The following CES5A variants were observed in gnomAD, a reference collection of about 807,000 sequenced individuals.
CES5A encodes the protein carboxylesterase 5A.
A neutral mutation model predicts 62.9 loss-of-function variants in CES5A; 67 were observed. That is an observed-to-expected ratio of 1.07 (90% CI 0.88 to 1.31). The LOEUF is 1.31. CES5A is among the 50% of genes most tolerant of loss of function. CES5A has a pLI of 0.00. For synonymous variants in CES5A, 296 were observed against 280.8 expected (o/e 1.05, Z -0.54); for missense variants, 748 against 708.5 (o/e 1.06, Z -0.63).
intron 1 of CES5A, among the ~76,000 whole-genome samples, chr16:55,898,785 C>A (rs1265633425): frequency 1.3e-5 from 2 of 152,150 alleles, no homozygotes; most frequent in Non-Finnish European, 2.9e-5. Context: ...ATCATCTGAC[C>A]AGGAAGACCA....
chr16:55,938,324 A>T (rs2034400079), intron 2 of CES5A, among the ~76,000 whole-genome samples: 1 of 152,094 alleles, frequency 6.6e-6, no homozygotes, highest in South Asian at 2.1e-4. Flanking sequence ...CCCATTTTTC[A>T]TGCTGAGATT....
intron 1 of CES5A, among the ~76,000 whole-genome samples, chr16:55,911,806 G>A (rs1231083291): frequency 6.6e-6 from 1 of 152,136 alleles, no homozygotes; most frequent in Non-Finnish European, 1.5e-5. Flanking sequence ...CCAGGGTCCT[G>A]GCCACTGACC....
chr16:55,865,855 T>C (rs1261832769), intron 5 of CES5A, 108 bp downstream of exon 5: 1 of 1,254,832 alleles, frequency 8.0e-7, no homozygotes, highest in Non-Finnish European at 1.2e-6. Flanking sequence ...CAATGTGTAT[T>C]AAAGGGTTTG....
chr16:55,908,640 G>A (rs1170082041), intron 1 of CES5A, among the ~76,000 whole-genome samples: 8 of 152,194 alleles, frequency 5.3e-5, no homozygotes, highest in South Asian at 2.1e-4. Flanking sequence ...GATTACAAGC[G>A]TGAACCACCA....
intron 1 of CES5A, among the ~76,000 whole-genome samples, chr16:55,902,895 C>T (rs2034005483): frequency 6.6e-6 from 1 of 151,852 alleles, no homozygotes; most frequent in South Asian, 2.1e-4. Flanking sequence ...GATGAGTTTG[C>T]CAGACTGGAG....
intron 1 of CES5A, among the ~76,000 whole-genome samples, chr16:55,902,484 G>A (rs2034000274): frequency 6.6e-6 from 1 of 152,200 alleles, no homozygotes; most frequent in East Asian, 1.9e-4. Flanking sequence ...CTAACCATCA[G>A]GACTGACATC....
At chr16:55,909,862 A>AGC (rs1418248515) in intron 1 of CES5A, among the ~76,000 whole-genome samples, 1 of 152,094 alleles carries the variant, frequency 6.6e-6, no homozygotes, top group Admixed American at 6.5e-5. Context: ...AGGGATCTGG[A>AGC]CCAGATGGTC....
At chr16:55,859,414 G>T in intron 8 of CES5A, 133 bp downstream of exon 8, 1 of 799,954 alleles carries the variant, frequency 1.3e-6, no homozygotes, top group Non-Finnish European at 2.0e-6. Context: ...GAGTAAAGGT[G>T]ATCACTGTGT....
chr16:55,890,076 A>G (rs1313444784), intron 1 of CES5A, among the ~76,000 whole-genome samples: 10 of 152,206 alleles, frequency 6.6e-5, no homozygotes, highest in African/African-American at 2.2e-4. Context: ...TGCCCTTGAT[A>G]ATAGCATAAG....
rs72810528 is a variant in CES5A at position 55,906,509 on chromosome 16, C to A, written c.-256+18814G>T. On this transcript the variant is annotated intron_variant, in intron 1 of 12. Transcript: ENST00000518005. ...GATCTTGAAGGGAGGGAGGAAAAAG[C>A]CTTGAAGCTGACAATGTAGTTCCTT... 3.8e-3 allele frequency among the ~76,000 whole-genome samples: 578 copies of A among 152,268 alleles called. 3 individuals carry two copies. Among genetic ancestry groups the A allele is most frequent in the Admixed American group, 8.1e-3 (124 of 15,296 alleles).
chr16:55,868,389 T>A (rs1392114302), intron 4 of CES5A, among the ~76,000 whole-genome samples: 2 of 152,188 alleles, frequency 1.3e-5, no homozygotes, highest in East Asian at 3.9e-4. Flanking sequence ...CCTCCCAACT[T>A]CCTAGTTTTT....
At chr16:55,919,144 T>C (rs781275720) in intron 1 of CES5A, among the ~76,000 whole-genome samples, 49 of 152,348 alleles carry the variant, frequency 3.2e-4, no homozygotes, top group Non-Finnish European at 6.3e-4. Context: ...GCACCAAGCC[T>C]TCTGCTGGGC....
upstream of CES5A, among the ~76,000 whole-genome samples, chr16:55,879,010 C>G (rs1466652068): frequency 6.7e-6 from 1 of 149,354 alleles, no homozygotes; most frequent in East Asian, 2.0e-4. Context: ...ACCACTTCAC[C>G]CCATCACTGC....
chr16:55,891,176 C>T (rs1433434168), intron 1 of CES5A, among the ~76,000 whole-genome samples: 24 of 152,142 alleles, frequency 1.6e-4, no homozygotes, highest in Non-Finnish European at 2.9e-5. Flanking sequence ...AATGGTTTAG[C>T]CTGTGTGGTC....
chr16:55,911,675 C>T (rs2034094157), intron 1 of CES5A, among the ~76,000 whole-genome samples: 1 of 152,160 alleles, frequency 6.6e-6, no homozygotes, highest in Admixed American at 6.5e-5. Context: ...TTTTTATTCC[C>T]ATAAATGTAT....
Position 55,846,594 on chromosome 16 carries a change from G to C in CES5A, c.1585C>G (p.Gln529Glu), listed in dbSNP as rs1365976245. 1.9e-6 allele frequency: 3 copies of C among 1,614,200 alleles called. No individual in the cohort carries two copies. The highest frequency in any genetic ancestry group is 1.7e-6 in the Non-Finnish European group (2 of 1,180,028). ...LQLDLNMSLG[Q>E]RLKEPRVDFW... ...TCCACCCGCGGTTCTTTGAGTCTCT[G>C]TCCGAGGCTCATGTTCAAGTCCAGC... Residue 529 changes from glutamine to glutamate, a missense_variant, in exon 13 of 13, where the codon CAG becomes GAG. Coordinates refer to ENST00000290567, the MANE Select transcript of CES5A (RefSeq NM_001143685.2).
At chr16:55,867,560 C>G (rs1457861498) in intron 4 of CES5A, among the ~76,000 whole-genome samples, 5 of 152,186 alleles carry the variant, frequency 3.3e-5, no homozygotes, top group African/African-American at 1.2e-4. Flanking sequence ...TCCACCTTCT[C>G]TCTCCCAGGC....
At chr16:55,915,002 TG>T (rs1306973426) in intron 1 of CES5A, among the ~76,000 whole-genome samples, 4 of 140,000 alleles carry the variant, frequency 2.9e-5, no homozygotes, top group African/African-American at 5.0e-5. Context: ...AATAAAAAGT[TG>T]TTTTTTTTTT....
rs146024065 is a variant in CES5A at position 55,918,498 on chromosome 16, A to C, written c.-256+6825T>G. Among the ~76,000 whole-genome samples, 370 of 152,320 alleles carry C rather than the reference A, an allele frequency of 2.4e-3. 2 individuals carry two copies. The highest frequency in any genetic ancestry group is 8.3e-3 in the African/African-American group (346 of 41,570). On this transcript the variant is annotated intron_variant, in intron 1 of 12. Coordinates refer to the CES5A transcript ENST00000518005. ...CCCATACCATTAGATTCTGAAAGAA[A>C]TAATCATCACTAATCCTTACCAACT...
Sources: allele counts gnomAD v4.1 joint callset (sites outside exome capture counted in the v4.1 genomes callset), GRCh38; gene constraint gnomAD v4.1.1; transcripts MANE v1.5; gene names NCBI Gene and HGNC (gene_info 2026-07-23, HGNC 2026-07-21).